Variants in FAM81A observed in about 807,000 individuals in gnomAD.
FAM81A encodes protein FAM81A.
FAM81A carries 19 observed loss-of-function variants against 46.7 expected under a neutral mutation model. The observed-to-expected ratio is 0.41, with a 90% CI of 0.28 to 0.60. FAM81A has a LOEUF of 0.60. Among genes scored for constraint, FAM81A ranks in the 20% least tolerant of loss-of-function variants. The probability of loss-of-function intolerance (pLI) is 0.34; values close to 1 mark genes in which losing one functional copy is unlikely to be tolerated. For missense variants in FAM81A, 377 were observed against 453.5 expected, an observed-to-expected ratio of 0.83 and a Z score of 1.53; for synonymous variants, 183 against 152.9, an observed-to-expected ratio of 1.20 and a Z score of -1.45.
At chr15:59,496,878 C>T (rs2082039626) in intron 4 of FAM81A, among the ~76,000 whole-genome samples, 1 of 151,972 alleles carries the variant, frequency 6.6e-6, no homozygotes, top group Non-Finnish European at 1.5e-5. Flanking sequence ...GTAGTCCCAG[C>T]ACTTTGGGAG....
At chr15:59,520,719 C>A (rs2082319195) in intron 8 of FAM81A, among the ~76,000 whole-genome samples, 1 of 152,106 alleles carries the variant, frequency 6.6e-6, no homozygotes, top group Non-Finnish European at 1.5e-5. Context: ...TGTGCGCCAC[C>A]ATACCCAGCT....
intron 3 of FAM81A, among the ~76,000 whole-genome samples, chr15:59,474,001 C>T (rs1317335371): frequency 5.9e-5 from 9 of 152,124 alleles, no homozygotes; most frequent in African/African-American, 1.9e-4. Context: ...TACATAATTT[C>T]CAACTTCAGC....
intron 4 of FAM81A, 93 bp from the exon 5 acceptor site, chr15:59,507,120 T>C (rs1207147923): frequency 2.1e-6 from 3 of 1,458,490 alleles, no homozygotes; most frequent in Non-Finnish European, 9.2e-7. Context: ...GCACTTTCTT[T>C]GAGTGGGTTT....
At chr15:59,495,628 T>C (rs549477137) in intron 4 of FAM81A, among the ~76,000 whole-genome samples, 5 of 152,326 alleles carry the variant, frequency 3.3e-5, no homozygotes, top group Admixed American at 6.5e-5. Flanking sequence ...CCACTTTACA[T>C]TGCCCCCAGC....
At chr15:59,479,630 A>C (rs755430937) in intron 3 of FAM81A, among the ~76,000 whole-genome samples, 5 of 150,916 alleles carry the variant, frequency 3.3e-5, no homozygotes, top group Admixed American at 6.6e-5. Flanking sequence ...TTGAGGGAGG[A>C]GACACCCAGG....
intron 1 of FAM81A, among the ~76,000 whole-genome samples, chr15:59,457,353 C>T (rs1489305040): frequency 6.6e-6 from 1 of 152,218 alleles, no homozygotes; most frequent in Non-Finnish European, 1.5e-5. Context: ...TCTCTGTTAT[C>T]AGATTGACTG....
intron 3 of FAM81A, among the ~76,000 whole-genome samples, chr15:59,462,563 T>C (rs1386019658): frequency 3.3e-5 from 5 of 152,172 alleles, no homozygotes; most frequent in Non-Finnish European, 7.3e-5. Flanking sequence ...TCTAATGACA[T>C]TAAGTACATT....
At chr15:59,501,464 GATAC>G (rs1179515960) in intron 4 of FAM81A, among the ~76,000 whole-genome samples, 1 of 151,932 alleles carries the variant, frequency 6.6e-6, no homozygotes, top group Non-Finnish European at 1.5e-5. Flanking sequence ...AGGGCTTAAT[GATAC>G]ATATATATAT....
chr15:59,476,556 T>G (rs1328495312), intron 3 of FAM81A, among the ~76,000 whole-genome samples: 1 of 151,896 alleles, frequency 6.6e-6, no homozygotes, highest in Non-Finnish European at 1.5e-5. Context: ...ATCCACAAGG[T>G]GGGTGGATCA....
intron 2 of FAM81A, 142 bp downstream of exon 2, chr15:59,458,788 T>G (rs2081514802): frequency 9.1e-6 from 7 of 770,046 alleles, no homozygotes; most frequent in Admixed American, 2.4e-5. Context: ...AGCTTTCAAT[T>G]TATAGGATAC....
chr15:59,492,442 C>A, intron 4 of FAM81A, 53 bp downstream of exon 4: 1 of 1,403,134 alleles, frequency 7.1e-7, no homozygotes, highest in Non-Finnish European at 9.9e-7. Flanking sequence ...TTTCTATAAA[C>A]TCCATTATAG....
chr15:59,438,598 A>T (rs1219858398), intron 1 of FAM81A: 8 of 152,250 alleles, frequency 5.3e-5, no homozygotes, highest in African/African-American at 9.7e-5. Flanking sequence ...AAGGCGAGTC[A>T]GCCGACCCAC....
chr15:59,482,598 C>T (rs2081867081), intron 3 of FAM81A, among the ~76,000 whole-genome samples: 1 of 152,154 alleles, frequency 6.6e-6, no homozygotes, highest in Admixed American at 6.5e-5. Context: ...GTATTAGGCG[C>T]TGGGCTCGTT....
intron 8 of FAM81A, among the ~76,000 whole-genome samples, chr15:59,518,871 C>A (rs1263918140): frequency 2.0e-5 from 3 of 149,092 alleles, no homozygotes; most frequent in Non-Finnish European, 4.4e-5. Context: ...TATATATATA[C>A]ATAGTGAAAT....
chr15:59,492,255 T>G lies in FAM81A; in HGVS notation c.295-16T>G, dbSNP rs140358374. On this transcript the variant is annotated splice_polypyrimidine_tract_variant and intron_variant, in intron 3 of 8. Coordinates refer to ENST00000288228, the MANE Select transcript of FAM81A (RefSeq NM_152450.3). ...AATTCTTAGATGACTCCCTTAGTGTTTTTTATGTTGCCCAGGTACTCCAGG... is the reference window on the plus strand; with the variant it reads ...AATTCTTAGATGACTCCCTTAGTGTGTTTTATGTTGCCCAGGTACTCCAGG... 653 of 1,591,142 alleles carry G rather than the reference T, an allele frequency of 4.1e-4. 1 individual carries two copies. The African/African-American group carries it at 7.7e-3, about 19-fold the overall frequency.
chr15:59,498,589 T>C (rs1190070857), intron 4 of FAM81A, among the ~76,000 whole-genome samples: 6 of 152,180 alleles, frequency 3.9e-5, no homozygotes, highest in Admixed American at 1.3e-4. Context: ...GATACTCTTG[T>C]CTTGTTTTTT....
chr15:59,472,718 T>A (rs1411577355), intron 3 of FAM81A, among the ~76,000 whole-genome samples: 1 of 151,802 alleles, frequency 6.6e-6, no homozygotes, highest in Non-Finnish European at 1.5e-5. Context: ...GCCCAGCTAA[T>A]TATTTTATTT....
At chr15:59,400,615 G>A (rs1342156655) in intron 1 of FAM81A, among the ~76,000 whole-genome samples, 4 of 152,142 alleles carry the variant, frequency 2.6e-5, no homozygotes, top group Non-Finnish European at 5.9e-5. Flanking sequence ...GCTTCATCAG[G>A]CGTCATTCCT....
chr15:59,438,094 G>A (rs1275629094), upstream of FAM81A: 1 of 146,426 alleles, frequency 6.8e-6, no homozygotes, highest in Non-Finnish European at 1.5e-5. Context: ...GGCGGCTCGC[G>A]CCCCCCGGGA....
Sources: allele counts gnomAD v4.1 joint callset (sites outside exome capture counted in the v4.1 genomes callset), GRCh38; gene constraint gnomAD v4.1.1; transcripts MANE v1.5; gene names NCBI Gene and HGNC (gene_info 2026-07-23, HGNC 2026-07-21).